The following OCLN variants were observed in gnomAD, a reference collection of about 807,000 sequenced individuals.
OCLN encodes phosphatase 1, regulatory subunit 115.
In OCLN, 21 loss-of-function variants were observed where a neutral mutation model predicts 47.9. The observed-to-expected ratio is 0.44, with a 90% CI of 0.31 to 0.63. OCLN has a LOEUF of 0.63. OCLN is among the 30% of genes least tolerant of loss of function. OCLN has a pLI of 0.08. For synonymous variants in OCLN, 117 were observed against 198.4 expected (o/e 0.59, Z 3.45); for missense variants, 360 against 571.0 (o/e 0.63, Z 3.77).
At chr5:69,524,577 G>A (rs1244915722) in intron 4 of OCLN, among the ~76,000 whole-genome samples, 1 of 152,150 alleles carries the variant, frequency 6.6e-6, no homozygotes, top group Non-Finnish European at 1.5e-5. Context: ...ATCTGATGTC[G>A]CCATTGTCTG....
chr5:69,515,908 G>A (rs1768950519), intron 4 of OCLN, among the ~76,000 whole-genome samples: 1 of 151,516 alleles, frequency 6.6e-6, no homozygotes. Flanking sequence ...GGGCGGCCGG[G>A]CAGAGACGCT....
chr5:69,495,229 A>G (rs1427370434), intron 1 of OCLN, among the ~76,000 whole-genome samples: 3 of 152,240 alleles, frequency 2.0e-5, no homozygotes, highest in Non-Finnish European at 4.4e-5. Context: ...GAAATAAGAG[A>G]GTAAACAGAC....
chr5:69,518,962 C>T (rs1251565559), intron 4 of OCLN, among the ~76,000 whole-genome samples: 1 of 152,008 alleles, frequency 6.6e-6, no homozygotes, highest in Non-Finnish European at 1.5e-5. Flanking sequence ...GAAGGCAAGA[C>T]CCTATCTCTA....
intron 1 of OCLN, among the ~76,000 whole-genome samples, chr5:69,502,640 A>G (rs906534876): frequency 4.6e-5 from 7 of 152,256 alleles, no homozygotes; most frequent in South Asian, 2.1e-4. Context: ...TGTTGGTTCA[A>G]CATAGCTAAG....
chr5:69,526,045 G>T (rs1049964496), intron 4 of OCLN, among the ~76,000 whole-genome samples: 6 of 152,118 alleles, frequency 3.9e-5, no homozygotes, highest in African/African-American at 1.2e-4. Context: ...AGGTCTTTAC[G>T]AGGTACAGTG....
intron 4 of OCLN, among the ~76,000 whole-genome samples, chr5:69,522,906 T>TTTTTTTTTTTTTG (rs1561344192): frequency 8.0e-5 from 12 of 149,622 alleles, no homozygotes; most frequent in Non-Finnish European, 1.8e-4. Context: ...TTTTTTTTTT[T>TTTTTTTTTTTTTG]AAAGTAGAGA....
Position 69,534,859 on chromosome 5 carries a change from G to A in OCLN, c.1037+20G>A. On this transcript the variant is annotated intron_variant, in intron 5 of 8. Coordinates refer to ENST00000396442, the MANE Select transcript of OCLN (RefSeq NM_001205254.2). ...CACGCCGTAAGTAGCATCTCTCTTA[G>A]TTTGATAGACTGAGTGTAAAAATGA... is the stretch of plus-strand genomic sequence containing the variant. 6.6e-7 allele frequency: 1 copy of A among 1,514,732 alleles called. No homozygotes were observed. Among genetic ancestry groups the A allele is most frequent in the Non-Finnish European group, 8.9e-7 (1 of 1,117,738 alleles). 93.8% of individuals were successfully genotyped at this position (1,514,732 alleles called of 1,614,324 possible). A position where few individuals can be genotyped will look rare whatever the true frequency, so the allele number is the denominator to read the frequency against.
At chr5:69,530,854 A>G (rs1769410306) in intron 4 of OCLN, 1 of 152,268 alleles carries the variant, frequency 6.6e-6, no homozygotes, top group African/African-American at 2.4e-5. Flanking sequence ...CCTCATTGAT[A>G]AAATACTTGG....
At chr5:69,501,895 G>T (rs554565602) in intron 1 of OCLN, among the ~76,000 whole-genome samples, 1 of 151,912 alleles carries the variant, frequency 6.6e-6, no homozygotes, top group East Asian at 1.9e-4. Context: ...CTGTCCTAAA[G>T]GGTATAGAAG....
chr5:69,504,366 C>T, intron 2 of OCLN, 72 bp downstream of exon 2: 1 of 917,442 alleles, frequency 1.1e-6, no homozygotes, highest in Non-Finnish European at 1.8e-6. Context: ...ATGGTTGAAA[C>T]TTTAAGTGTT....
rs1221461220 is a variant in OCLN at position 69,553,687 on chromosome 5, T to C, written c.*16T>C. On this transcript the variant is annotated 3_prime_UTR_variant, in exon 9 of 9. Transcript: ENST00000396442. ...GAAAACATAGAAGGCTGATGCCAAG[T>C]TGTTTGAGAAATTAAGTATCTGACA... The C allele has an allele frequency of 6.2e-7, 1 of 1,606,966 alleles. No homozygotes were observed. Among genetic ancestry groups the C allele is most frequent in the East Asian group, 2.2e-5 (1 of 44,802 alleles).
intron 4 of OCLN, among the ~76,000 whole-genome samples, chr5:69,526,399 G>T (rs533802311): frequency 3.7e-4 from 57 of 152,252 alleles, no homozygotes; most frequent in African/African-American, 1.4e-3. Flanking sequence ...CAGGCTGGGC[G>T]ACCAAAGACA....
intron 4 of OCLN, among the ~76,000 whole-genome samples, chr5:69,515,876 C>A (rs1177095090): frequency 2.0e-5 from 3 of 149,752 alleles, no homozygotes; most frequent in African/African-American, 4.9e-5. Context: ...GGGGCAGAGG[C>A]GCTCCCCACA....
chr5:69,536,622 G>T lies in OCLN; in HGVS notation c.1037+1783G>T, dbSNP rs535998333. Among the ~76,000 whole-genome samples the T allele has an allele frequency of 1.1e-3, 160 of 146,968 alleles. 1 individual carries two copies. The highest frequency in any genetic ancestry group is 4.0e-3 in the African/African-American group (157 of 39,484). On this transcript the variant is annotated intron_variant, in intron 5 of 8. Coordinates refer to ENST00000396442, the MANE Select transcript of OCLN (RefSeq NM_001205254.2). The stretch of plus-strand genomic sequence containing the variant: ...GGAGGCGGCGGTTACAGTGAGCTGA[G>T]ATCACACCAGTGCACTCCAGCCTGC...
intron 4 of OCLN, among the ~76,000 whole-genome samples, chr5:69,515,906 G>A (rs1217561867): frequency 2.0e-5 from 3 of 150,884 alleles, no homozygotes; most frequent in South Asian, 2.1e-4. Flanking sequence ...ATGGGCGGCC[G>A]GGCAGAGACG....
intron 4 of OCLN, among the ~76,000 whole-genome samples, chr5:69,518,743 A>C (rs1160042688): frequency 6.6e-6 from 1 of 152,230 alleles, no homozygotes; most frequent in African/African-American, 2.4e-5. Flanking sequence ...TACTTAAAAT[A>C]GTGGATGAGA....
intron 4 of OCLN, among the ~76,000 whole-genome samples, chr5:69,527,890 T>C (rs549769374): frequency 1.3e-5 from 2 of 152,208 alleles, no homozygotes; most frequent in African/African-American, 2.4e-5. Flanking sequence ...GTCTTCTCGG[T>C]TGGGGGCTTA....
At chr5:69,499,581 GT>G (rs897182756) in intron 1 of OCLN, among the ~76,000 whole-genome samples, 5 of 151,526 alleles carry the variant, frequency 3.3e-5, no homozygotes, top group African/African-American at 7.3e-5. Flanking sequence ...TTTTCTTGTG[GT>G]TTTTTTCTTT....
Position 69,511,589 on chromosome 5 carries a change from A to T in OCLN, c.729+1770A>T, listed in dbSNP as rs1353127183. Among the ~76,000 whole-genome samples the T allele has an allele frequency of 2.6e-5, 4 of 151,986 alleles. No individual in the cohort carries two copies. The East Asian group carries it at 5.8e-4, about 22-fold the overall frequency. On this transcript the variant is annotated intron_variant, in intron 3 of 8. Transcript: ENST00000396442. ...ACCACACCCGGATAATTTTTTAAAAAATTTTTTGTAGAGACAGGGTCTCAC... is the reference window on the plus strand; with the variant it reads ...ACCACACCCGGATAATTTTTTAAAATATTTTTTGTAGAGACAGGGTCTCAC...
Sources: allele counts gnomAD v4.1 joint callset (sites outside exome capture counted in the v4.1 genomes callset), GRCh38; gene constraint gnomAD v4.1.1; transcripts MANE v1.5; gene names NCBI Gene and HGNC (gene_info 2026-07-23, HGNC 2026-07-21).